KATNIP: variants seen among roughly 807,000 people sequenced by gnomAD.
KATNIP encodes katanin interacting protein.
A neutral mutation model predicts 174.0 loss-of-function variants in KATNIP; 126 were observed. The ratio of observed to expected loss-of-function variants is 0.72; its 90% CI spans 0.63 to 0.84. KATNIP has a LOEUF of 0.84. Among genes scored for constraint, KATNIP ranks in the 40% least tolerant of loss-of-function variants. KATNIP has a pLI of 0.00. For synonymous variants in KATNIP, 810 were observed against 835.7 expected, an observed-to-expected ratio of 0.97 and a Z score of 0.53; for missense variants, 1,958 against 2,109.7, an observed-to-expected ratio of 0.93 and a Z score of 1.41.
chr16:27,739,729 AAAGTAGC>A (rs2081029272), intron 14 of KATNIP, among the ~76,000 whole-genome samples: 1 of 152,212 alleles, frequency 6.6e-6, no homozygotes, highest in Admixed American at 6.5e-5. Flanking sequence ...AGTCCAAGTT[AAAGTAGC>A]AAGAGACAGG....
rs150380038 is a variant in KATNIP, at chr16:27,654,255, T to C, written c.540+5520T>C. Among the ~76,000 whole-genome samples the C allele has an allele frequency of 2.5e-3, 383 of 152,312 alleles. 4 individuals carry two copies. The highest frequency in any genetic ancestry group is 8.3e-3 in the African/African-American group (346 of 41,582). On this transcript the variant is annotated intron_variant, in intron 6 of 27. Transcript: ENST00000261588. ...CCTCCCAAAGTGCTAGGATTACAGA[T>C]GTGAGCCACTGTGCCTGGCCTCCCA...
Position 27,750,150 on chromosome 16 carries a change from T to C in KATNIP, c.3190T>C (p.Phe1064Leu). 6.2e-7 allele frequency: 1 copy of C among 1,614,150 alleles called. No individual in the cohort carries two copies. The highest frequency in any genetic ancestry group is 8.5e-7 in the Non-Finnish European group (1 of 1,180,034). Residue 1064 changes from phenylalanine to leucine, a missense_variant, in exon 16 of 28, where the codon TTC becomes CTC. This residue lies in a region of KATNIP where 1,557 missense variants were observed against 1,617.8 expected (regional missense o/e 0.96). Transcript: ENST00000261588. ...CAGATCCCACTCCATCACCATTGAC[T>C]TCACGCACCCTTGCCACGTTGCCCT... ...RGRSHSITID[F>L]THPCHVALIR...
intron 11 of KATNIP, among the ~76,000 whole-genome samples, chr16:27,702,804 C>T (rs1037420174): frequency 2.6e-5 from 4 of 152,190 alleles, no homozygotes; most frequent in Non-Finnish European, 5.9e-5. Flanking sequence ...TTAAGACTCT[C>T]CAGGCCCCAG....
chr16:27,553,740 G>A (rs2089491392), intron 1 of KATNIP, among the ~76,000 whole-genome samples: 1 of 152,168 alleles, frequency 6.6e-6, no homozygotes, highest in Admixed American at 6.6e-5. Flanking sequence ...GGAGACTGAG[G>A]TGTGGGGATC....
Position 27,681,397 on chromosome 16 carries a change from A to T in KATNIP, c.809-2A>T, listed in dbSNP as rs199797207. 6.2e-7 allele frequency: 1 copy of T among 1,614,192 alleles called. No homozygotes were observed. On this transcript the variant is annotated splice_acceptor_variant, in intron 7 of 27. Transcript: ENST00000261588. LOFTEE classifies it high-confidence loss of function. ...TTACATGAAACAATTGTTTTCCTAC[A>T]GGTCATAAAAGGGAAAGGAATTTGT...
intron 15 of KATNIP, among the ~76,000 whole-genome samples, chr16:27,741,761 G>A (rs1197005073): frequency 6.6e-6 from 1 of 152,150 alleles, no homozygotes; most frequent in Non-Finnish European, 1.5e-5. Context: ...AAATTAGCCA[G>A]GCATGTGGTG....
chr16:27,750,555 G>A (rs1227760321), intron 16 of KATNIP, among the ~76,000 whole-genome samples: 1 of 151,018 alleles, frequency 6.6e-6, no homozygotes, highest in Non-Finnish European at 1.5e-5. Flanking sequence ...GAGTAGCTGG[G>A]ACTACAGGCA....
At chr16:27,681,221 C>CT (rs888983868) in intron 7 of KATNIP, 178 bp from the exon 8 acceptor site, 30 of 734,984 alleles carry the variant, frequency 4.1e-5, no homozygotes, top group Non-Finnish European at 7.0e-5. Flanking sequence ...CACACCATGA[C>CT]TCTCAGCAAA....
rs75263610 is a variant in KATNIP at position 27,573,026 on chromosome 16, C to T, written c.8-875C>T. ...TGCTAGAAGTGACCATGTCCAAAGA[C>T]GTGTCTTTTCTCTGAGACTCAGTCC... is the stretch of plus-strand genomic sequence containing the variant. On this transcript the variant is annotated intron_variant, in intron 1 of 27. Coordinates refer to ENST00000261588, the MANE Select transcript of KATNIP (RefSeq NM_015202.5). 2.2e-3 allele frequency among the ~76,000 whole-genome samples: 331 copies of T among 152,332 alleles called. 2 individuals are homozygous for T. The highest frequency in any genetic ancestry group is 3.6e-3 in the Non-Finnish European group (246 of 68,026).
chr16:27,556,470 A>T (rs1047565892), intron 1 of KATNIP, among the ~76,000 whole-genome samples: 5 of 152,218 alleles, frequency 3.3e-5, no homozygotes. Context: ...AGTTCAGCAC[A>T]TTGATATAAT....
intron 1 of KATNIP, 130 bp from the exon 2 acceptor site, chr16:27,573,771 T>C: frequency 1.2e-6 from 1 of 803,950 alleles, no homozygotes; most frequent in Non-Finnish European, 2.0e-6. Flanking sequence ...AATAATAGGC[T>C]GCATTTTCTT....
In KATNIP at chr16:27,635,324, G is replaced by A. The variant is rs574056390; in HGVS notation, c.408+4162G>A. Among the ~76,000 whole-genome samples the A allele has an allele frequency of 3.9e-5, 6 of 152,226 alleles. No homozygotes were observed. In the South Asian group the frequency reaches 1.0e-3, roughly 26 times the overall value. Reference sequence around the variant, plus strand: ...GAGGACAGCTTTAGAAAGGGAGTCTGGGAAATGCAGTATTTGGCTTTCTGG... The same window carrying A: ...GAGGACAGCTTTAGAAAGGGAGTCTAGGAAATGCAGTATTTGGCTTTCTGG... On this transcript the variant is annotated intron_variant, in intron 5 of 27. Transcript: ENST00000261588.
At chr16:27,573,331 G>C (rs905658905) in intron 1 of KATNIP, among the ~76,000 whole-genome samples, 1 of 152,234 alleles carries the variant, frequency 6.6e-6, no homozygotes, top group Non-Finnish European at 1.5e-5. Context: ...TAAACATTAT[G>C]ATGTCACTCT....
rs1369018656 is a variant in KATNIP at position 27,681,438 on chromosome 16, A to G, written c.848A>G (p.Asp283Gly). ...RERNLSAKRK[D>G]NAEVFVPTKP... ...AGGAATTTGTCTGCAAAGCGGAAGG[A>G]CAATGCTGAGGTTTTCGTTCCCACC... The change falls in exon 8 of 28, where the codon GAC becomes GGC. Residue 283 changes from aspartate to glycine, a missense_variant. Around this residue, in one of 3 missense-constraint regions of KATNIP, gnomAD observed 1,557 missense variants for 1,617.8 expected, o/e 0.96. Transcript: ENST00000261588. 2 of 1,614,232 alleles carry G rather than the reference A, an allele frequency of 1.2e-6. No homozygotes were observed. The highest frequency in any genetic ancestry group is 1.7e-5 in the Admixed American group (1 of 60,032).
intron 1 of KATNIP, among the ~76,000 whole-genome samples, chr16:27,558,762 G>T (rs2089731954): frequency 6.6e-6 from 1 of 152,208 alleles, no homozygotes; most frequent in South Asian, 2.1e-4. Context: ...GCCTGTACAG[G>T]AAACGTTTGC....
At chr16:27,616,654 G>A (rs1365431298) in intron 2 of KATNIP, among the ~76,000 whole-genome samples, 1 of 151,766 alleles carries the variant, frequency 6.6e-6, no homozygotes, top group Non-Finnish European at 1.5e-5. Context: ...TTGAACCTGG[G>A]AGATGGAGGT....
At chr16:27,713,778 CATATT>C (rs1465801908) in intron 13 of KATNIP, among the ~76,000 whole-genome samples, 16 of 114,472 alleles carry the variant, frequency 1.4e-4, no homozygotes, top group South Asian at 2.7e-4. Context: ...TATATATACA[CATATT>C]ATATATGTGT....
intron 15 of KATNIP, among the ~76,000 whole-genome samples, chr16:27,745,543 G>C (rs1181319985): frequency 1.3e-5 from 2 of 152,236 alleles, no homozygotes; most frequent in African/African-American, 4.8e-5. Flanking sequence ...TGTCCAATCA[G>C]TTATGGCCAA....
rs539742309 is a variant in KATNIP, at chr16:27,682,705, G to A, written c.940+1175G>A. Among the ~76,000 whole-genome samples the A allele has an allele frequency of 5.9e-5, 9 of 152,234 alleles. No homozygotes were observed. The East Asian group carries it at 1.7e-3, about 29-fold the overall frequency. On this transcript the variant is annotated intron_variant, in intron 8 of 27. Coordinates refer to ENST00000261588, the MANE Select transcript of KATNIP (RefSeq NM_015202.5). ...GGGGCCATGGCTTATCATGTGGCTGGGTGGCATGGTTTGAATATTTGCCCC... is the reference window on the plus strand; with the variant it reads ...GGGGCCATGGCTTATCATGTGGCTGAGTGGCATGGTTTGAATATTTGCCCC...
Sources: gnomAD v4.1 joint callset for allele counts (sites outside exome capture counted in the v4.1 genomes callset) on GRCh38, gnomAD v4.1.1 for gene constraint, gnomAD v4.1.1 regional missense constraint, MANE v1.5 for transcripts, NCBI Gene and HGNC (gene_info 2026-07-23, HGNC 2026-07-21) for gene names.